PPRC1: variants seen among roughly 807,000 people sequenced by gnomAD.
PPRC1 encodes the protein peroxisome proliferator-activated receptor gamma coactivator-related protein 1.
PPRC1 carries 23 observed loss-of-function variants against 132.5 expected under a neutral mutation model. The ratio of observed to expected loss-of-function variants is 0.17; its 90% CI spans 0.12 to 0.25. The LOEUF is 0.25. Among genes scored for constraint, PPRC1 ranks in the 10% least tolerant of loss-of-function variants. The probability of loss-of-function intolerance (pLI) is 1.00; values close to 1 mark genes in which losing one functional copy is unlikely to be tolerated. For synonymous variants in PPRC1, 872 were observed against 833.5 expected (o/e 1.05, Z -0.80); for missense variants, 2,006 against 2,089.1 (o/e 0.96, Z 0.78).
At chr10:102,144,217 G>C (rs1378447049) in intron 6 of PPRC1, 33 bp from the exon 7 acceptor site, 4 of 1,610,206 alleles carry the variant, frequency 2.5e-6, no homozygotes, top group Admixed American at 3.3e-5. Flanking sequence ...AGAACATCTG[G>C]TTGGGCTTTT....
At chr10:102,125,789 A>G in the PPRC1 span, among the ~76,000 whole-genome samples, 2,612 of 149,516 alleles carry the variant, frequency 0.017, 50 homozygotes, top group Non-Finnish European at 0.026. Context: ...GGCCTTCTAT[A>G]TTTTCTCTTA....
chr10:102,120,449 C>T, the PPRC1 span: 1 of 964,946 alleles, frequency 1.0e-6, no homozygotes, highest in Non-Finnish European at 1.2e-6. Context: ...CCCTCTCCGC[C>T]CTCGCGCTCG....
rs778242611 is a variant in PPRC1, at chr10:102,146,747, A to G, written c.3755A>G (p.Lys1252Arg). 1.6e-5 allele frequency: 26 copies of G among 1,613,934 alleles called. No homozygotes were observed. Among genetic ancestry groups the G allele is most frequent in the African/African-American group, 2.7e-5 (2 of 74,884 alleles). The change falls in exon 9 of 14, where the codon AAA becomes AGA. Residue 1252 changes from lysine to arginine, a missense_variant. Coordinates refer to ENST00000278070, the MANE Select transcript of PPRC1 (RefSeq NM_015062.5). ...LAAVSLLAKAKSPKSTAQEGT... is the reference protein window; with the variant it reads ...LAAVSLLAKARSPKSTAQEGT... ...GCTGTCTCACTGCTGGCCAAAGCCAAATCTCCTAAGTCCACCGCCCAGGAG... is the reference window on the plus strand; with the variant it reads ...GCTGTCTCACTGCTGGCCAAAGCCAGATCTCCTAAGTCCACCGCCCAGGAG...
chr10:102,142,430 T>C, intron 5 of PPRC1, among the ~76,000 whole-genome samples: 1 of 105,132 alleles, frequency 9.5e-6, no homozygotes, highest in Non-Finnish European at 1.9e-5. Flanking sequence ...TTTTTTTTTT[T>C]TTTTTTGAGA....
chr10:102,123,836 T>TG, the PPRC1 span, among the ~76,000 whole-genome samples: 2 of 132,410 alleles, frequency 1.5e-5, no homozygotes, highest in Non-Finnish European at 3.2e-5. Flanking sequence ...GCCCGGCCTT[T>TG]TTTTTTTTTT....
At chr10:102,147,469 A>C in intron 9 of PPRC1, 77 bp downstream of exon 9, 1 of 1,468,876 alleles carries the variant, frequency 6.8e-7, no homozygotes, top group Non-Finnish European at 9.1e-7. Context: ...GAAAGCTTTT[A>C]CCCGTTGACT....
At chr10:102,127,049 ATATATATATATATATATAT>A in the PPRC1 span, among the ~76,000 whole-genome samples, 29 of 57,940 alleles carry the variant, frequency 5.0e-4, no homozygotes, top group South Asian at 7.5e-4. Flanking sequence ...ATATATATAT[ATATATATATATATATATAT>A]AAATTAAAAA....
chr10:102,147,176 C>T lies in PPRC1; in HGVS notation c.4184C>T (p.Pro1395Leu), dbSNP rs547220654. The stretch of plus-strand genomic sequence containing the variant: ...ATGAACACTAGGACTCCCCCTGAAC[C>T]CTCAGCCAAGCAGCGGTCAATGCGC... The part of the protein sequence containing the change: ...NDMNTRTPPE[P>L]SAKQRSMRCY... Residue 1395 changes from proline (P) to leucine (L), a missense_variant, in exon 9 of 14, where the codon CCC becomes CTC. This residue lies in a region of PPRC1 where 1,914 missense variants were observed against 1,917.2 expected (regional missense o/e 1.00). Coordinates refer to ENST00000278070, the MANE Select transcript of PPRC1 (RefSeq NM_015062.5). The T allele has an allele frequency of 2.5e-6, 4 of 1,614,140 alleles. No individual in the cohort carries two copies. The highest frequency in any genetic ancestry group is 3.4e-6 in the Non-Finnish European group (4 of 1,180,026).
At chr10:102,145,459 T>C (rs931137307) in intron 8 of PPRC1, among the ~76,000 whole-genome samples, 2 of 150,996 alleles carry the variant, frequency 1.3e-5, no homozygotes, top group Admixed American at 1.3e-4. Context: ...TAGTCCCAGC[T>C]ACTTGGGAGG....
chr10:102,134,883 T>C (rs773238820), intron 1 of PPRC1, among the ~76,000 whole-genome samples: 17 of 152,178 alleles, frequency 1.1e-4, no homozygotes, highest in Non-Finnish European at 1.0e-4. Context: ...GATCCAGCTA[T>C]AATAGTTAAG....
intron 7 of PPRC1, chr10:102,144,517 G>A: frequency 1.7e-6 from 1 of 585,902 alleles, no homozygotes; most frequent in Non-Finnish European, 3.0e-6. Context: ...CTGCCCTCCA[G>A]CTGATTCCAG....
chr10:102,124,516 A>G, the PPRC1 span, among the ~76,000 whole-genome samples: 7 of 149,902 alleles, frequency 4.7e-5, no homozygotes, highest in African/African-American at 1.7e-4. Context: ...GGCGCGCACC[A>G]CCACACTTGG....
In PPRC1 at chr10:102,140,408, C is replaced by T; in HGVS notation, c.1900C>T (p.Pro634Ser). 2.5e-6 allele frequency: 4 copies of T among 1,614,178 alleles called. No homozygotes were observed. The South Asian group carries it at 4.4e-5, about 18-fold the overall frequency. The change falls in exon 5 of 14, where the codon CCA becomes TCA. Residue 634 changes from proline (P) to serine (S), a missense_variant. Physicochemically the swap from Pro to Ser is moderately conservative, Grantham distance 74. Transcript: ENST00000278070. ...CCCGGCTGAGCCAGTGCTGATCAAC[C>T]CAGTCCTGGCTGACTCAGCAGCAGT... ...PLPAEPVLIN[P>S]VLADSAAVDP...
chr10:102,147,037 G>T lies in PPRC1; in HGVS notation c.4045G>T (p.Ala1349Ser), dbSNP rs768649268. 3.1e-6 allele frequency: 5 copies of T among 1,614,022 alleles called. No homozygotes were observed. The African/African-American group carries it at 6.7e-5, about 22-fold the overall frequency. ...TGCCCCTCCGCCCCCATGCATAGCT[G>T]CCTCCCGGGAGCCGCTTGATCACAG... Reference protein sequence around the residue: ...PAAPPPPCIAASREPLDHRTS... With the variant: ...PAAPPPPCIASSREPLDHRTS... Residue 1349 changes from alanine (A) to serine (S), a missense_variant, in exon 9 of 14, where the codon GCC (alanine) becomes TCC (serine). Around this residue, in one of 2 missense-constraint regions of PPRC1, gnomAD observed 1,914 missense variants for 1,917.2 expected, o/e 1.00. Coordinates refer to ENST00000278070, the MANE Select transcript of PPRC1 (RefSeq NM_015062.5).
intron 7 of PPRC1, 147 bp downstream of exon 7, chr10:102,144,454 C>G: frequency 1.4e-6 from 1 of 733,362 alleles, no homozygotes; most frequent in Non-Finnish European, 2.3e-6. Flanking sequence ...CTTACTCTGC[C>G]TATCACTACC....
At chr10:102,149,417 CT>C in intron 13 of PPRC1, 88 bp downstream of exon 13, 1 of 1,396,830 alleles carries the variant, frequency 7.2e-7, no homozygotes, top group Non-Finnish European at 9.4e-7. Flanking sequence ...GCTAGGCAGA[CT>C]TACCTTAGTT....
chr10:102,140,103 T>C lies in PPRC1; in HGVS notation c.1595T>C (p.Leu532Ser). The change falls in exon 5 of 14, where the codon TTG becomes TCG. Residue 532 changes from leucine to serine, a missense_variant. Leu to Ser is a moderately radical substitution (Grantham distance 145). Coordinates refer to ENST00000278070, the MANE Select transcript of PPRC1 (RefSeq NM_015062.5). ...TGGGCTCGGGCCTGGGCAGCTGCCT[T>C]GGAGAATTCTAGCCCTAAGAACTTG... ...RAWARAWAAA[L>S]ENSSPKNLER... is the part of the protein sequence containing the mutation. 6.2e-7 allele frequency: 1 copy of C among 1,614,238 alleles called. No homozygotes were observed. The highest frequency in any genetic ancestry group is 1.7e-5 in the Admixed American group (1 of 60,038).
At chr10:102,136,760 G>T (rs2068738445) in intron 1 of PPRC1, among the ~76,000 whole-genome samples, 1 of 152,138 alleles carries the variant, frequency 6.6e-6, no homozygotes. Flanking sequence ...TAGGATAAGG[G>T]GGGACTACTG....
At chr10:102,130,416 CAAAAAA>C (rs1203599289), upstream of PPRC1, among the ~76,000 whole-genome samples, 4 of 15,980 alleles carry the variant, frequency 2.5e-4, no homozygotes, top group Non-Finnish European at 6.1e-4. Context: ...GAATCCTTCT[CAAAAAA>C]AAAAAAAAAA....
Sources: gnomAD v4.1 joint callset for allele counts (sites outside exome capture counted in the v4.1 genomes callset) on GRCh38, gnomAD v4.1.1 for gene constraint, gnomAD v4.1.1 regional missense constraint, MANE v1.5 for transcripts, NCBI Gene and HGNC (gene_info 2026-07-23, HGNC 2026-07-21) for gene names.